Variants in TMEM132D observed in about 807,000 individuals in gnomAD.
The protein encoded by TMEM132D is mature OL transmembrane protein.
TMEM132D carries 21 observed loss-of-function variants against 62.3 expected under a neutral mutation model. The ratio of observed to expected loss-of-function variants is 0.34; its 90% CI spans 0.24 to 0.49. TMEM132D has a LOEUF of 0.49. Ranked by LOEUF, TMEM132D falls within the 20% of genes least tolerant of loss-of-function variation. The probability of loss-of-function intolerance (pLI) is 0.99; values close to 1 mark genes in which losing one functional copy is unlikely to be tolerated. For missense variants in TMEM132D, 1,346 were observed against 1,402.8 expected, an observed-to-expected ratio of 0.96 and a Z score of 0.65; for synonymous variants, 621 against 575.6, an observed-to-expected ratio of 1.08 and a Z score of -1.13.
chr12:129,591,761 T>C (rs1256933806), intron 2 of TMEM132D, among the ~76,000 whole-genome samples: 1 of 152,074 alleles, frequency 6.6e-6, no homozygotes, highest in Admixed American at 6.5e-5. Flanking sequence ...TTAGTTAGAA[T>C]TAATTCAAAG....
chr12:129,896,070 A>C (rs1050778529), intron 1 of TMEM132D, among the ~76,000 whole-genome samples: 3 of 149,756 alleles, frequency 2.0e-5, no homozygotes, highest in Non-Finnish European at 4.4e-5. Context: ...TCCAGGTTCC[A>C]GCAATCCTCC....
intron 4 of TMEM132D, among the ~76,000 whole-genome samples, chr12:129,291,674 G>A (rs2135619723): frequency 6.6e-6 from 1 of 152,226 alleles, no homozygotes; most frequent in Non-Finnish European, 1.5e-5. Flanking sequence ...GACAGCACGT[G>A]GTCAACAGGT....
At chr12:129,306,771 T>G (rs1881855171) in intron 4 of TMEM132D, among the ~76,000 whole-genome samples, 1 of 152,194 alleles carries the variant, frequency 6.6e-6, no homozygotes, top group African/African-American at 2.4e-5. Flanking sequence ...GTGTTCTATG[T>G]CTCATCCATT....
chr12:129,203,392 T>C (rs1358539095), intron 5 of TMEM132D, among the ~76,000 whole-genome samples: 1 of 152,246 alleles, frequency 6.6e-6, no homozygotes, highest in African/African-American at 2.4e-5. Context: ...TTAACACTAG[T>C]GTTGACTGAC....
At chr12:129,088,382 GGTGTCCTCT>G (rs1874739907) in intron 5 of TMEM132D, among the ~76,000 whole-genome samples, 1 of 49,978 alleles carries the variant, frequency 2.0e-5, no homozygotes. Context: ...CCATGACCGG[GGTGTCCTCT>G]ATGACCGGGT....
intron 4 of TMEM132D, chr12:129,210,057 C>T (rs1268241447): frequency 1.2e-5 from 2 of 172,656 alleles, no homozygotes; most frequent in African/African-American, 2.4e-5. Flanking sequence ...GCACAGAGAG[C>T]TTTTGTCACT....
At chr12:129,285,424 G>A (rs1176565900) in intron 4 of TMEM132D, among the ~76,000 whole-genome samples, 1 of 150,864 alleles carries the variant, frequency 6.6e-6, no homozygotes, top group African/African-American at 2.4e-5. Context: ...CGACCCGGGA[G>A]GCTGAGGCAG....
intron 3 of TMEM132D, among the ~76,000 whole-genome samples, chr12:129,526,634 A>T (rs1033086654): frequency 9.3e-4 from 141 of 152,202 alleles, no homozygotes; most frequent in Non-Finnish European, 1.8e-3. Context: ...CACTGCTGGT[A>T]ATAAATCATG....
At chr12:129,632,660 T>C (rs1000005170) in intron 2 of TMEM132D, among the ~76,000 whole-genome samples, 1 of 152,180 alleles carries the variant, frequency 6.6e-6, no homozygotes, top group Non-Finnish European at 1.5e-5. Flanking sequence ...CTTTCTTCTC[T>C]ATTCTCAGCT....
intron 3 of TMEM132D, among the ~76,000 whole-genome samples, chr12:129,462,632 C>T (rs1381398247): frequency 6.6e-6 from 1 of 152,128 alleles, no homozygotes; most frequent in African/African-American, 2.4e-5. Flanking sequence ...TATAACTACC[C>T]AATTAATTTC....
At chr12:129,553,452 T>C (rs919140678) in intron 2 of TMEM132D, among the ~76,000 whole-genome samples, 2 of 152,166 alleles carry the variant, frequency 1.3e-5, no homozygotes, top group African/African-American at 2.4e-5. Context: ...AACTACCACG[T>C]TGTCACTTGG....
intron 1 of TMEM132D, among the ~76,000 whole-genome samples, chr12:129,781,084 C>G (rs2137290774): frequency 6.6e-6 from 1 of 152,310 alleles, no homozygotes; most frequent in Non-Finnish European, 1.5e-5. Context: ...GTTATGCCAT[C>G]AAAAGCTTTG....
chr12:129,484,749 T>C (rs1016748457), intron 3 of TMEM132D, among the ~76,000 whole-genome samples: 2 of 152,212 alleles, frequency 1.3e-5, no homozygotes, highest in African/African-American at 4.8e-5. Context: ...CTTAAAAGAT[T>C]ATTAACTAAA....
At chr12:129,806,530 C>T (rs1201936224) in intron 1 of TMEM132D, among the ~76,000 whole-genome samples, 1 of 120,120 alleles carries the variant, frequency 8.3e-6, no homozygotes, top group East Asian at 2.6e-4. Flanking sequence ...ACATCACACT[C>T]TGGGGACTGT....
At chr12:129,457,728 G>C (rs1002927320) in intron 3 of TMEM132D, among the ~76,000 whole-genome samples, 11 of 152,098 alleles carry the variant, frequency 7.2e-5, no homozygotes, top group Non-Finnish European at 1.5e-4. Flanking sequence ...CCATGGCAGA[G>C]GAGGAGAGAG....
intron 2 of TMEM132D, among the ~76,000 whole-genome samples, chr12:129,682,465 T>C (rs264511): frequency 0.28 from 42,986 of 152,012 alleles, 6,274 homozygotes; most frequent in South Asian, 0.36. Flanking sequence ...CCATGTGGTC[T>C]CCAGCAGGCA....
At chr12:129,434,061 A>T (rs1192847802) in intron 3 of TMEM132D, among the ~76,000 whole-genome samples, 1 of 152,218 alleles carries the variant, frequency 6.6e-6, no homozygotes, top group African/African-American at 2.4e-5. Context: ...CTGGAACGTC[A>T]TTCCTCATAT....
intron 1 of TMEM132D, among the ~76,000 whole-genome samples, chr12:129,802,515 C>T (rs1306451659): frequency 8.7e-6 from 1 of 115,330 alleles, no homozygotes; most frequent in Non-Finnish European, 1.8e-5. Flanking sequence ...ACCAGGCCTG[C>T]CCTAAAAGAG....
chr12:129,403,445 TGAGTAG>T (rs1180102718), intron 3 of TMEM132D, among the ~76,000 whole-genome samples: 1 of 150,578 alleles, frequency 6.6e-6, no homozygotes, highest in Non-Finnish European at 1.5e-5. Context: ...TCATGTGGAG[TGAGTAG>T]GAAACGGCAT....
Sources: allele counts gnomAD v4.1 joint callset (sites outside exome capture counted in the v4.1 genomes callset), GRCh38; gene constraint gnomAD v4.1.1; transcripts MANE v1.5; gene names NCBI Gene and HGNC (gene_info 2026-07-23, HGNC 2026-07-21).